Variants in TBC1D10C observed in about 807,000 individuals in gnomAD.
The protein encoded by TBC1D10C is carabin.
In TBC1D10C, 49 loss-of-function variants were observed where a neutral mutation model predicts 51.0. That is an observed-to-expected ratio of 0.96 (90% CI 0.76 to 1.22). The LOEUF (loss-of-function observed/expected upper bound fraction) is 1.22, where lower values mean the gene tolerates loss of function less well. Ranked by LOEUF, TBC1D10C falls within the 50% of genes most tolerant of loss-of-function variation. The pLI is 0.00. For missense variants in TBC1D10C, 541 were observed against 617.5 expected (o/e 0.88, Z 1.31); for synonymous variants, 281 against 266.7 (o/e 1.05, Z -0.52).
intron 8 of TBC1D10C, 90 bp from the exon 9 acceptor site, chr11:67,409,317 A>G (rs1863339444): frequency 1.4e-6 from 2 of 1,430,456 alleles, no homozygotes; most frequent in Non-Finnish European, 1.9e-6. Flanking sequence ...TCAGCCCCTC[A>G]GTCCTCAGCC....
chr11:67,405,087 C>T lies in TBC1D10C; in HGVS notation c.155C>T (p.Pro52Leu), dbSNP rs967740401. 9.0e-6 allele frequency: 14 copies of T among 1,550,422 alleles called. No homozygotes were observed. The highest frequency in any genetic ancestry group is 1.7e-4 in the Middle Eastern group (1 of 5,814). ...ATACCTGTGCCATGCACCCCCAGGC[C>T]GGGCCACCCACCTGCAGACCTCATC... ...FIGGSSAEPG[P>L]GHPPADLIRQ... Residue 52 changes from proline to leucine, a missense_variant and splice_region_variant, in exon 2 of 9, where the codon CCG becomes CTG. Pro to Leu is a moderately conservative substitution (Grantham distance 98). Coordinates refer to ENST00000542590, the MANE Select transcript of TBC1D10C (RefSeq NM_001369496.1).
intron 2 of TBC1D10C, 27 bp from the exon 3 acceptor site, chr11:67,405,372 T>TA (rs769628488): frequency 6.2e-7 from 1 of 1,607,738 alleles, no homozygotes; most frequent in South Asian, 1.1e-5. Flanking sequence ...GGAGGCTGCC[T>TA]AGTGGAGCCC....
intron 7 of TBC1D10C, 165 bp from the exon 8 acceptor site, chr11:67,408,814 G>A: frequency 1.2e-6 from 1 of 864,514 alleles, no homozygotes; most frequent in Non-Finnish European, 1.7e-6. Context: ...GGCCAGTACA[G>A]CGGCCTGTGT....
rs745314064 is a variant in TBC1D10C at position 67,405,895 on chromosome 11, C to T, written c.468-8C>T. 1.6e-5 allele frequency: 25 copies of T among 1,582,442 alleles called. No individual in the cohort carries two copies. Among genetic ancestry groups the T allele is most frequent in the Non-Finnish European group, 2.0e-5 (23 of 1,165,110 alleles). On this transcript the variant is annotated splice_region_variant and splice_polypyrimidine_tract_variant and intron_variant, in intron 4 of 8. Transcript: ENST00000542590. ...AGGACTGGCCCCTTATGGGGTCTTCCGGCACAGGCAGCAGGGGCTCCTGCA... is the reference window on the plus strand; with the variant it reads ...AGGACTGGCCCCTTATGGGGTCTTCTGGCACAGGCAGCAGGGGCTCCTGCA...
chr11:67,405,132 G>A lies in TBC1D10C; in HGVS notation c.200G>A (p.Trp67Ter), dbSNP rs1565125881. 3 of 1,551,396 alleles carry A rather than the reference G, an allele frequency of 1.9e-6. No homozygotes were observed. The highest frequency in any genetic ancestry group is 2.0e-5 in the Admixed American group (1 of 50,994). ...ADLIRQREMK[W>*]VEMTSHWEKT... ...CTCATCCGCCAACGGGAGATGAAGT[G>A]GGTGGAGATGACCTCGCACTGGGAG... The change falls in exon 2 of 9, where the codon TGG becomes TAG. Residue 67 changes from tryptophan (W) to a stop codon, truncating the protein, a stop_gained. Transcript: ENST00000542590. LOFTEE classifies it high-confidence loss of function.
chr11:67,404,461 G>C, intron 1 of TBC1D10C, 107 bp downstream of exon 1: 1 of 1,250,608 alleles, frequency 8.0e-7, no homozygotes, highest in Non-Finnish European at 1.1e-6. Context: ...GGATTGGGAG[G>C]GGGACTCAGC....
chr11:67,406,071 C>G, intron 5 of TBC1D10C, 54 bp downstream of exon 5: 2 of 1,424,588 alleles, frequency 1.4e-6, no homozygotes, highest in Non-Finnish European at 1.9e-6. Context: ...CCCAGGGAAC[C>G]CCATCCCCAG....
Position 67,409,647 on chromosome 11 carries a change from C to A in TBC1D10C, c.1234C>A (p.Arg412Ser). The A allele has an allele frequency of 1.2e-6, 2 of 1,600,166 alleles. No individual in the cohort carries two copies. Among genetic ancestry groups the A allele is most frequent in the Non-Finnish European group, 1.7e-6 (2 of 1,176,238 alleles). The change falls in exon 9 of 9, where the codon CGC becomes AGC. Residue 412 changes from arginine to serine, a missense_variant. Transcript: ENST00000542590. ...ACCACCGCGGCGGAAACCCCAGACC[C>A]GCGGCAAGACTTTCCATGGGCTCCT... is the stretch of plus-strand genomic sequence containing the variant. ...PRPPRRKPQT[R>S]GKTFHGLLTR...
rs868475434 is a variant in TBC1D10C at position 67,405,070 on chromosome 11, G to T, written c.153-15G>T. 1.9e-6 allele frequency: 3 copies of T among 1,548,372 alleles called. No individual in the cohort carries two copies. The Middle Eastern group carries it at 5.4e-4, about 279-fold the overall frequency. On this transcript the variant is annotated splice_polypyrimidine_tract_variant and intron_variant, in intron 1 of 8. Coordinates refer to ENST00000542590, the MANE Select transcript of TBC1D10C (RefSeq NM_001369496.1). ...AGCTGCCCAGCGTCTGGATACCTGTGCCATGCACCCCCAGGCCGGGCCACC... is the reference window on the plus strand; with the variant it reads ...AGCTGCCCAGCGTCTGGATACCTGTTCCATGCACCCCCAGGCCGGGCCACC...
rs947703143 is a variant in TBC1D10C at position 67,405,082 on chromosome 11, C to T, written c.153-3C>T. The T allele has an allele frequency of 2.6e-6, 4 of 1,550,142 alleles. No individual in the cohort carries two copies. The highest frequency in any genetic ancestry group is 3.9e-5 in the Admixed American group (2 of 50,942). ...TCTGGATACCTGTGCCATGCACCCC[C>T]AGGCCGGGCCACCCACCTGCAGACC... On this transcript the variant is annotated splice_region_variant and splice_polypyrimidine_tract_variant and intron_variant, in intron 1 of 8. Coordinates refer to ENST00000542590, the MANE Select transcript of TBC1D10C (RefSeq NM_001369496.1).
intron 2 of TBC1D10C, 45 bp downstream of exon 2, chr11:67,405,229 C>A: frequency 6.5e-7 from 1 of 1,541,036 alleles, no homozygotes; most frequent in Non-Finnish European, 8.8e-7. Context: ...GCTCATTCCT[C>A]TCTGCCTCAG....
rs781299153 is a variant in TBC1D10C at position 67,409,767 on chromosome 11, C to G, written c.*13C>G. ...CACCCGCTTCTGAGAGGACCATGGACTTAGTGTCCCCCAGTCTCAATTGCC... is the reference window on the plus strand; with the variant it reads ...CACCCGCTTCTGAGAGGACCATGGAGTTAGTGTCCCCCAGTCTCAATTGCC... On this transcript the variant is annotated 3_prime_UTR_variant, in exon 9 of 9. Transcript: ENST00000542590. 1.9e-6 allele frequency: 3 copies of G among 1,563,788 alleles called. No individual in the cohort carries two copies. The highest frequency in any genetic ancestry group is 2.3e-5 in the South Asian group (2 of 86,184).
intron 5 of TBC1D10C, chr11:67,406,327 C>T (rs1415904215): frequency 1.9e-6 from 1 of 515,110 alleles, no homozygotes; most frequent in Non-Finnish European, 3.4e-6. Context: ...AAACCCAGGA[C>T]TTGAACTTTG....
At position 67,407,015 on chromosome 11, in the gene TBC1D10C, G is replaced by A. The variant is rs566954592; in HGVS notation, c.837G>A (p.Glu279=). The change falls in exon 7 of 9, where the codon GAG becomes GAA. Residue 279 remains glutamate (E), a splice_region_variant and synonymous_variant. Coordinates refer to ENST00000542590, the MANE Select transcript of TBC1D10C (RefSeq NM_001369496.1). ...VLRVWDAFLS[E]GARVLFRVGL... is the part of the protein sequence containing the mutation. ...GTGTCTGGGATGCCTTCCTCAGTGA[G>A]GGTGAGTGGGGCAGCCAGTGGCTGG... 1 of 1,609,450 alleles carries A rather than the reference G, an allele frequency of 6.2e-7. No individual in the cohort carries two copies. The highest frequency in any genetic ancestry group is 2.2e-5 in the East Asian group (1 of 44,854).
In TBC1D10C at chr11:67,404,100, C is replaced by G; in HGVS notation, c.-103C>G. ...GGCTTGGTGAGATACCCTGAAACCT[C>G]CCCCCTCTGACCCCGCAGCCAGGCC... On this transcript the variant is annotated 5_prime_UTR_variant, in exon 1 of 9. Coordinates refer to ENST00000542590, the MANE Select transcript of TBC1D10C (RefSeq NM_001369496.1). The G allele has an allele frequency of 7.4e-7, 1 of 1,350,044 alleles. No individual in the cohort carries two copies. The highest frequency in any genetic ancestry group is 9.6e-7 in the Non-Finnish European group (1 of 1,037,192). The allele number at this position is 1,350,044 out of a possible 1,614,324, so 83.6% of individuals were successfully genotyped here.
chr11:67,404,859 A>G lies in TBC1D10C; in HGVS notation c.153-226A>G, dbSNP rs1486679425. Reference sequence around the variant, plus strand: ...AGCCAACCAGTCCCTCCCCCAATACACACCCACTCACCCCTTCAGTCTCCT... The same window carrying G: ...AGCCAACCAGTCCCTCCCCCAATACGCACCCACTCACCCCTTCAGTCTCCT... On this transcript the variant is annotated intron_variant, in intron 1 of 8. Coordinates refer to ENST00000542590, the MANE Select transcript of TBC1D10C (RefSeq NM_001369496.1). 7.5e-6 allele frequency: 4 copies of G among 532,052 alleles called. No homozygotes were observed. In the East Asian group the frequency reaches 1.2e-4, roughly 16 times the overall value. The allele number at this position is 532,052 out of a possible 1,614,324, so 33.0% of individuals were successfully genotyped here.
intron 7 of TBC1D10C, 36 bp from the exon 8 acceptor site, chr11:67,408,943 G>A: frequency 6.5e-7 from 1 of 1,527,234 alleles, no homozygotes; most frequent in Non-Finnish European, 8.8e-7. Context: ...GGAGGGGCAG[G>A]GCCGGCCTCC....
chr11:67,403,989 C>T, upstream of TBC1D10C: 1 of 480,334 alleles, frequency 2.1e-6, no homozygotes, highest in Non-Finnish European at 3.5e-6. Context: ...AGGGGCAGGG[C>T]TTGGGGCTGG....
At chr11:67,405,743 C>T (rs752980549) in intron 4 of TBC1D10C, 42 bp downstream of exon 4, 2 of 1,606,150 alleles carry the variant, frequency 1.2e-6, no homozygotes, top group South Asian at 2.2e-5. Flanking sequence ...GCCCCACAAG[C>T]CCCAGGTGCT....
Sources: gnomAD v4.1 joint callset for allele counts on GRCh38, gnomAD v4.1.1 for gene constraint, MANE v1.5 for transcripts, NCBI Gene and HGNC (gene_info 2026-07-23, HGNC 2026-07-21) for gene names.